The following ANK2 variants were observed in gnomAD, a reference collection of about 807,000 sequenced individuals.
ANK2 encodes ankyrin 2.
Under a neutral mutation model 360.5 loss-of-function variants are expected in ANK2, and 83 were observed. That is an observed-to-expected ratio of 0.23 (90% CI 0.19 to 0.28). ANK2 has a LOEUF of 0.28. Among genes scored for constraint, ANK2 ranks in the 10% least tolerant of loss-of-function variants. The probability of loss-of-function intolerance (pLI) is 1.00; values close to 1 mark genes in which losing one functional copy is unlikely to be tolerated. For synonymous variants in ANK2, 1,740 were observed against 1,759.5 expected, an observed-to-expected ratio of 0.99 and a Z score of 0.28; for missense variants, 4,201 against 4,795.7, an observed-to-expected ratio of 0.88 and a Z score of 3.66.
chr4:113,161,970 G>A (rs913950158), intron 1 of ANK2, among the ~76,000 whole-genome samples: 7 of 152,154 alleles, frequency 4.6e-5, no homozygotes, highest in East Asian at 1.9e-4. Flanking sequence ...GTCCATGCCC[G>A]TCTCTTGGAC....
chr4:113,025,980 G>A (rs572678043), intron 2 of ANK2, among the ~76,000 whole-genome samples: 1 of 152,106 alleles, frequency 6.6e-6, no homozygotes, highest in Non-Finnish European at 1.5e-5. Context: ...GAAACAGCAG[G>A]TTAAGTAAAT....
At chr4:112,762,765 C>A in the ANK2 span, among the ~76,000 whole-genome samples, 1 of 152,238 alleles carries the variant, frequency 6.6e-6, no homozygotes, top group Admixed American at 6.5e-5. Flanking sequence ...CCGCCTTGGC[C>A]TCCCAAAGTG....
At chr4:112,976,551 TG>T (rs1453212855) in intron 2 of ANK2, among the ~76,000 whole-genome samples, 6 of 152,170 alleles carry the variant, frequency 3.9e-5, no homozygotes, top group Admixed American at 3.3e-4. Flanking sequence ...ATCTGCAATA[TG>T]GGAATAATTG....
chr4:113,171,188 G>T (rs184199664), intron 1 of ANK2, among the ~76,000 whole-genome samples: 58 of 152,224 alleles, frequency 3.8e-4, no homozygotes, highest in African/African-American at 1.3e-3. Context: ...ATAATCAGTT[G>T]GGAAACACAG....
intron 1 of ANK2, among the ~76,000 whole-genome samples, chr4:113,103,036 CCTT>C (rs1303718022): frequency 2.0e-5 from 3 of 152,030 alleles, no homozygotes; most frequent in Admixed American, 2.0e-4. Context: ...TGCTTTTCCT[CCTT>C]GTATTTGCCT....
chr4:113,145,722 G>A lies in ANK2; in HGVS notation c.85-28694G>A, dbSNP rs867719214. ...CAGCAAGCCAGCTAGCAGATGGGGA[G>A]AACTGGTGAGGGGCGTGGAAGGGAA... On this transcript the variant is annotated intron_variant, in intron 1 of 45. Coordinates refer to ENST00000357077, the MANE Select transcript of ANK2 (RefSeq NM_001148.6). The A allele has an allele frequency of 1.4e-5, 16 of 1,146,630 alleles. No homozygotes were observed. The South Asian group carries it at 2.8e-4, about 20-fold the overall frequency. The allele number at this position is 1,146,630 out of a possible 1,614,324, so 71.0% of individuals were successfully genotyped here.
chr4:113,310,141 T>C (rs1454250227), intron 23 of ANK2, among the ~76,000 whole-genome samples: 1 of 152,226 alleles, frequency 6.6e-6, no homozygotes, highest in Non-Finnish European at 1.5e-5. Flanking sequence ...ATAAGAAAAT[T>C]TGAAATGTAG....
intron 2 of ANK2, among the ~76,000 whole-genome samples, chr4:113,028,558 A>G (rs1016339919): frequency 1.3e-5 from 2 of 152,172 alleles, no homozygotes; most frequent in Non-Finnish European, 2.9e-5. Context: ...GACATGTTCT[A>G]AGGACACAGT....
chr4:112,736,997 C>T, the ANK2 span, among the ~76,000 whole-genome samples: 1 of 151,936 alleles, frequency 6.6e-6, no homozygotes, highest in African/African-American at 2.4e-5. Context: ...TTCAGAAAGT[C>T]CCTCTAGTGT....
chr4:113,094,008 A>G (rs184267783), intron 1 of ANK2, among the ~76,000 whole-genome samples: 59 of 152,320 alleles, frequency 3.9e-4, no homozygotes, highest in African/African-American at 1.3e-3. Flanking sequence ...GGAGTAGAGT[A>G]TACTGTGAAA....
chr4:112,971,475 C>T (rs1226443544), intron 2 of ANK2, among the ~76,000 whole-genome samples: 1 of 152,064 alleles, frequency 6.6e-6, no homozygotes, highest in Non-Finnish European at 1.5e-5. Context: ...TGTGAGGAAC[C>T]AAGACCAATA....
chr4:112,934,111 C>T (rs2093515439), intron 2 of ANK2, among the ~76,000 whole-genome samples: 1 of 152,088 alleles, frequency 6.6e-6, no homozygotes, highest in African/African-American at 2.4e-5. Flanking sequence ...GAAAATTCAC[C>T]TAGTGTAGTT....
At chr4:112,767,200 T>C in the ANK2 span, among the ~76,000 whole-genome samples, 1 of 152,132 alleles carries the variant, frequency 6.6e-6, no homozygotes. Context: ...GTAAAATAAT[T>C]GCAGAGCAAT....
chr4:113,002,325 A>T (rs1413329162), intron 2 of ANK2, among the ~76,000 whole-genome samples: 2 of 152,224 alleles, frequency 1.3e-5, no homozygotes, highest in African/African-American at 4.8e-5. Context: ...ATGTCCAACA[A>T]TGGTAGACTG....
intron 2 of ANK2, among the ~76,000 whole-genome samples, chr4:113,043,454 A>T (rs200727349): frequency 7.9e-5 from 12 of 151,716 alleles, no homozygotes; most frequent in East Asian, 5.8e-4. Flanking sequence ...AAAAAAAAAA[A>T]GAGACAGGGT....
At chr4:112,757,320 A>G in the ANK2 span, among the ~76,000 whole-genome samples, 10 of 151,830 alleles carry the variant, frequency 6.6e-5, no homozygotes, top group Non-Finnish European at 7.4e-5. Flanking sequence ...GGGTTTCACC[A>G]TGTTGGCCAG....
the ANK2 span, among the ~76,000 whole-genome samples, chr4:112,780,739 G>A: frequency 1.3e-5 from 2 of 152,078 alleles, no homozygotes; most frequent in South Asian, 2.1e-4. Flanking sequence ...AGGAGGAACT[G>A]TTAGACATGC....
At chr4:113,192,224 TGATTTTTGTGAGTGCCA>T (rs2098677650) in intron 2 of ANK2, among the ~76,000 whole-genome samples, 1 of 152,194 alleles carries the variant, frequency 6.6e-6, no homozygotes, top group African/African-American at 2.4e-5. Context: ...TCCCTTAAAG[TGATTTTTGTGAGTGCCA>T]ATGTTTTATT....
At chr4:112,871,552 AATAAAG>A (rs2073055592) in intron 1 of ANK2, among the ~76,000 whole-genome samples, 1 of 152,218 alleles carries the variant, frequency 6.6e-6, no homozygotes, top group Admixed American at 6.5e-5. Flanking sequence ...GTTATTTGCA[AATAAAG>A]ATAGATTTCT....
Sources: allele counts gnomAD v4.1 joint callset (sites outside exome capture counted in the v4.1 genomes callset), GRCh38; gene constraint gnomAD v4.1.1; transcripts MANE v1.5; gene names NCBI Gene and HGNC (gene_info 2026-07-23, HGNC 2026-07-21).